NRG3: variants seen among roughly 807,000 people sequenced by gnomAD.
NRG3 encodes pro-neuregulin-3, membrane-bound isoform.
Under a neutral mutation model 66.9 loss-of-function variants are expected in NRG3, and 31 were observed. That is an observed-to-expected ratio of 0.46 (90% CI 0.35 to 0.63). The LOEUF (loss-of-function observed/expected upper bound fraction) is 0.63. NRG3 is among the 20% of genes least tolerant of loss of function. The pLI, the probability that NRG3 is intolerant of heterozygous loss-of-function variation, is 0.00. For missense variants in NRG3, 910 were observed against 878.9 expected (o/e 1.04, Z -0.45); for synonymous variants, 393 against 359.4 (o/e 1.09, Z -1.06).
At chr10:82,652,414 C>T (rs1163868354) in intron 2 of NRG3, among the ~76,000 whole-genome samples, 11 of 152,056 alleles carry the variant, frequency 7.2e-5, no homozygotes. Flanking sequence ...GGAAGGGGAG[C>T]TGAAAAGGGG....
chr10:82,677,124 A>T (rs1357420268), intron 2 of NRG3, among the ~76,000 whole-genome samples: 5 of 146,344 alleles, frequency 3.4e-5, no homozygotes, highest in African/African-American at 5.1e-5. Context: ...CAGTGGCATG[A>T]TCTCAGTTCA....
chr10:82,396,689 A>C (rs1196435318), intron 2 of NRG3, among the ~76,000 whole-genome samples: 1 of 152,184 alleles, frequency 6.6e-6, no homozygotes, highest in Non-Finnish European at 1.5e-5. Context: ...AATTACTTGC[A>C]ATTAAGGTAA....
chr10:82,615,991 A>G (rs1349373170), intron 2 of NRG3, among the ~76,000 whole-genome samples: 2 of 152,210 alleles, frequency 1.3e-5, no homozygotes, highest in Admixed American at 6.5e-5. Context: ...GTTAGCCTCA[A>G]TGATAATTGC....
chr10:82,318,937 A>G (rs1037088847), intron 1 of NRG3, among the ~76,000 whole-genome samples: 22 of 152,164 alleles, frequency 1.4e-4, no homozygotes, highest in Non-Finnish European at 7.3e-5. Context: ...AGTAACTCCT[A>G]AAGAGTGTCT....
intron 2 of NRG3, among the ~76,000 whole-genome samples, chr10:82,435,788 T>C (rs1330916956): frequency 1.4e-5 from 2 of 146,582 alleles, no homozygotes; most frequent in Admixed American, 6.8e-5. Flanking sequence ...TCTTTTTTTT[T>C]TTTTTTTTTT....
chr10:82,157,521 G>T (rs556034742), intron 1 of NRG3, among the ~76,000 whole-genome samples: 2 of 151,604 alleles, frequency 1.3e-5, no homozygotes, highest in Non-Finnish European at 3.0e-5. Context: ...CATCTATTTT[G>T]CAAAATACAG....
chr10:82,710,293 A>G (rs2056577370), intron 2 of NRG3, among the ~76,000 whole-genome samples: 1 of 152,160 alleles, frequency 6.6e-6, no homozygotes, highest in Non-Finnish European at 1.5e-5. Flanking sequence ...CAAGATTAAG[A>G]ATTGATTTCT....
chr10:82,459,175 A>G (rs2091404786), intron 2 of NRG3, among the ~76,000 whole-genome samples: 1 of 152,168 alleles, frequency 6.6e-6, no homozygotes, highest in Admixed American at 6.5e-5. Context: ...TTACCTGCAT[A>G]CTACCGTGAG....
chr10:82,786,190 C>A (rs1752970795), intron 3 of NRG3, among the ~76,000 whole-genome samples: 1 of 152,114 alleles, frequency 6.6e-6, no homozygotes, highest in Non-Finnish European at 1.5e-5. Context: ...ACAGAGCAAC[C>A]AATGTGCAAC....
At chr10:82,012,048 C>T (rs1174143142) in intron 1 of NRG3, among the ~76,000 whole-genome samples, 2 of 152,228 alleles carry the variant, frequency 1.3e-5, no homozygotes, top group African/African-American at 4.8e-5. Context: ...ACTTCCCACA[C>T]TGCCCTAGCA....
At chr10:82,061,842 T>TTCTCTCTCTCTCTCTC (rs72439199) in intron 1 of NRG3, among the ~76,000 whole-genome samples, 16 of 146,920 alleles carry the variant, frequency 1.1e-4, no homozygotes, top group African/African-American at 2.5e-4. Flanking sequence ...CAGTGTCCCT[T>TTCTCTCTCTCTCTCTC]TCTCTCTCTC....
chr10:82,607,637 G>C (rs1024795101), intron 2 of NRG3, among the ~76,000 whole-genome samples: 2 of 151,896 alleles, frequency 1.3e-5, no homozygotes, highest in Non-Finnish European at 1.5e-5. Flanking sequence ...CATTGCTCTT[G>C]TTCTCTTTTT....
intron 2 of NRG3, among the ~76,000 whole-genome samples, chr10:82,702,252 A>C (rs2134300822): frequency 6.6e-6 from 1 of 152,324 alleles, no homozygotes; most frequent in East Asian, 1.9e-4. Context: ...TCGCTTCATG[A>C]AAATGGGTTA....
chr10:82,528,264 T>C (rs1219175228), intron 2 of NRG3, among the ~76,000 whole-genome samples: 1 of 152,154 alleles, frequency 6.6e-6, no homozygotes, highest in East Asian at 1.9e-4. Context: ...TAGCTAAATA[T>C]ATAGAGGTAC....
intron 3 of NRG3, among the ~76,000 whole-genome samples, chr10:82,758,546 C>T (rs1235289916): frequency 6.6e-6 from 1 of 152,024 alleles, no homozygotes; most frequent in Non-Finnish European, 1.5e-5. Flanking sequence ...TCAATTTCCC[C>T]TGTTTATTGT....
intron 1 of NRG3, among the ~76,000 whole-genome samples, chr10:82,000,662 T>C (rs573383737): frequency 6.6e-6 from 1 of 152,330 alleles, no homozygotes; most frequent in African/African-American, 2.4e-5. Flanking sequence ...CCTTCCTTCA[T>C]ATACAGTAGC....
intron 2 of NRG3, among the ~76,000 whole-genome samples, chr10:82,567,948 T>C (rs2045512533): frequency 5.3e-5 from 8 of 151,946 alleles, no homozygotes; most frequent in Admixed American, 5.3e-4. Flanking sequence ...AGGACCATTG[T>C]AGTTAAGCCT....
intron 1 of NRG3, among the ~76,000 whole-genome samples, chr10:82,213,572 A>C (rs1257483302): frequency 6.6e-6 from 1 of 152,152 alleles, no homozygotes; most frequent in East Asian, 1.9e-4. Flanking sequence ...CATGTTAGAT[A>C]AATGATATGG....
chr10:82,458,587 A>C (rs2091374933), intron 2 of NRG3, among the ~76,000 whole-genome samples: 1 of 152,210 alleles, frequency 6.6e-6, no homozygotes, highest in South Asian at 2.1e-4. Context: ...ACCAAAGGCA[A>C]CAGGGACCAA....
Sources: gnomAD v4.1 joint callset for allele counts (sites outside exome capture counted in the v4.1 genomes callset) on GRCh38, gnomAD v4.1.1 for gene constraint, MANE v1.5 for transcripts, NCBI Gene and HGNC (gene_info 2026-07-23, HGNC 2026-07-21) for gene names.